PLAGL1: variants seen among roughly 807,000 people sequenced by gnomAD.
The protein encoded by PLAGL1 is PLAG1 like zinc finger 1, also known as zinc finger protein PLAGL1.
In PLAGL1, 1 loss-of-function variant was observed where a neutral mutation model predicts 4.6. That is an observed-to-expected ratio of 0.22 (90% CI 0.08 to 1.03). The LOEUF (loss-of-function observed/expected upper bound fraction) is 1.03. Ranked by LOEUF, PLAGL1 falls within the 50% of genes least tolerant of loss-of-function variation. The probability of loss-of-function intolerance (pLI) is 0.58; values close to 1 mark genes in which losing one functional copy is unlikely to be tolerated. For synonymous variants in PLAGL1, 240 were observed against 237.8 expected (o/e 1.01, Z -0.08); for missense variants, 464 against 570.4 (o/e 0.81, Z 1.90).
At chr6:144,023,768 C>A (rs78286188) in intron 1 of PLAGL1, among the ~76,000 whole-genome samples, 3 of 72,664 alleles carry the variant, frequency 4.1e-5, no homozygotes, top group Non-Finnish European at 7.7e-5. Context: ...TCATATTTAG[C>A]TTTTTTTTTT....
Position 143,984,678 on chromosome 6 carries a change from C to T in PLAGL1, c.-544+457G>A, listed in dbSNP as rs1788643545. 6.6e-6 allele frequency among the ~76,000 whole-genome samples: 1 copy of T among 152,142 alleles called. No individual in the cohort carries two copies. The highest frequency in any genetic ancestry group is 6.5e-5 in the Admixed American group (1 of 15,268). ...CCTCTCCTGCTAAGATGATGAAAAA[C>T]AAAACCATCTCAGAAAATAACTTCT... On this transcript the variant is annotated intron_variant, in intron 2 of 7. Transcript: ENST00000674357. This position sits in a 1 kb window ranked among gnomAD's most constrained non-coding sequence, Gnocchi z 5.5.
At chr6:143,998,957 G>A (rs948882563) in intron 1 of PLAGL1, among the ~76,000 whole-genome samples, 1 of 152,154 alleles carries the variant, frequency 6.6e-6, no homozygotes, top group Non-Finnish European at 1.5e-5. Flanking sequence ...CCATTGTCAT[G>A]CTAAGAAGCC....
rs1782015290 is a variant in PLAGL1, at chr6:143,955,878, T to C, written c.-325+4591A>G. ...AGTGACACTCTGTAAACAGAATAAC[T>C]GGATTAGGACTGAGGTTAGGGGAAA... On this transcript the variant is annotated intron_variant, in intron 6 of 7. Transcript: ENST00000674357. This position sits in a 1 kb window ranked among gnomAD's most constrained non-coding sequence, Gnocchi z 4.9. Among the ~76,000 whole-genome samples the C allele has an allele frequency of 2.6e-5, 4 of 151,920 alleles. No homozygotes were observed. Among genetic ancestry groups the C allele is most frequent in the Non-Finnish European group, 5.9e-5 (4 of 68,002 alleles).
rs746624620 is a variant in PLAGL1 at position 143,993,331 on chromosome 6, A to AACACACACACACACAC, written c.-583-8173_-583-8158dup. 1.6e-3 allele frequency among the ~76,000 whole-genome samples: 233 copies of AACACACACACACACAC among 142,330 alleles called. 2 individuals carry two copies. Among genetic ancestry groups the AACACACACACACACAC allele is most frequent in the South Asian group, 9.4e-3 (41 of 4,342 alleles). The allele number at this position is 142,330 out of a possible 152,430, so 93.4% of individuals were successfully genotyped here. A position where few individuals can be genotyped will look rare whatever the true frequency, so the allele number is the denominator to read the frequency against. ...AACAAAAAAACAAAAAACAAAACAA[A>AACACACACACACACAC]ACACACACACACACACACACACACA... On this transcript the variant is annotated intron_variant, in intron 1 of 7. Coordinates refer to ENST00000674357, the MANE Select transcript of PLAGL1 (RefSeq NM_001317162.2).
rs2128517664 is a variant in PLAGL1 at position 143,947,321 on chromosome 6, G to C, written c.152+664C>G. 6.6e-6 allele frequency among the ~76,000 whole-genome samples: 1 copy of C among 152,334 alleles called. No individual in the cohort carries two copies. Among genetic ancestry groups the C allele is most frequent in the South Asian group, 2.1e-4 (1 of 4,834 alleles). On this transcript the variant is annotated intron_variant, in intron 7 of 7. Coordinates refer to ENST00000674357, the MANE Select transcript of PLAGL1 (RefSeq NM_001317162.2). The surrounding 1 kb of genome is among the most constrained non-coding windows in gnomAD (Gnocchi z 4.3). The stretch of plus-strand genomic sequence containing the variant: ...CCCCCACATTTCATCCCTGGACTCT[G>C]AGAGCAGGTTTCAAATCAGCCTTCC...
intron 1 of PLAGL1, among the ~76,000 whole-genome samples, chr6:144,046,796 G>A (rs1373855599): frequency 6.6e-6 from 1 of 152,222 alleles, no homozygotes; most frequent in Admixed American, 6.5e-5. Context: ...TGCCCCCAAA[G>A]GTGGAGTCTA....
rs1780478458 is a variant in PLAGL1, at chr6:143,949,180, C to G, written c.-324-720G>C. Among the ~76,000 whole-genome samples the G allele has an allele frequency of 6.6e-6, 1 of 152,128 alleles. No homozygotes were observed. Among genetic ancestry groups the G allele is most frequent in the South Asian group, 2.1e-4 (1 of 4,822 alleles). ...TATGGACCTTTCTTCATTCCCTGGC[C>G]CTACCCTGGAGGGCCCATCCAGCTA... On this transcript the variant is annotated intron_variant, in intron 6 of 7. Coordinates refer to ENST00000674357, the MANE Select transcript of PLAGL1 (RefSeq NM_001317162.2). The surrounding 1 kb of genome is among the most constrained non-coding windows in gnomAD (Gnocchi z 5.3).
chr6:143,958,521 C>T lies in PLAGL1; in HGVS notation c.-325+1948G>A, dbSNP rs2128550441. Among the ~76,000 whole-genome samples the T allele has an allele frequency of 6.6e-6, 1 of 152,294 alleles. No homozygotes were observed. The highest frequency in any genetic ancestry group is 6.5e-5 in the Admixed American group (1 of 15,302). On this transcript the variant is annotated intron_variant, in intron 6 of 7. Coordinates refer to ENST00000674357, the MANE Select transcript of PLAGL1 (RefSeq NM_001317162.2). The surrounding 1 kb of genome is among the most constrained non-coding windows in gnomAD (Gnocchi z 5.1). ...CACTCCACTTCCTCCAGAAGCATGC[C>T]TGTCTGCCTCTCGGGACACAGGCCG...
rs1795358191 is a variant in PLAGL1 at position 144,013,635 on chromosome 6, C to T, written c.-150-44657G>A. 6.6e-6 allele frequency among the ~76,000 whole-genome samples: 1 copy of T among 152,254 alleles called. No individual in the cohort carries two copies. Among genetic ancestry groups the T allele is most frequent in the Non-Finnish European group, 1.5e-5 (1 of 68,044 alleles). On this transcript the variant is annotated intron_variant, in intron 1 of 3. Coordinates refer to the PLAGL1 transcript ENST00000437412. This position sits in a 1 kb window ranked among gnomAD's most constrained non-coding sequence, Gnocchi z 4.4. ...TCTAGTGGAGATTCCTTCCTCACAA[C>T]TTCCAGCTTTTGGTGACCACTGCCA...
At chr6:143,956,879 G>A (rs1782256038) in intron 6 of PLAGL1, among the ~76,000 whole-genome samples, 1 of 152,264 alleles carries the variant, frequency 6.6e-6, no homozygotes, top group Non-Finnish European at 1.5e-5. Context: ...TGAGCAGGGA[G>A]CTGGGATCTG....
At chr6:143,977,559 C>T (rs1453478053) in intron 2 of PLAGL1, among the ~76,000 whole-genome samples, 2 of 148,572 alleles carry the variant, frequency 1.3e-5, no homozygotes, top group African/African-American at 2.5e-5. Context: ...CTGTAACCTC[C>T]ACCTCCCAGG....
intron 1 of PLAGL1, among the ~76,000 whole-genome samples, chr6:144,047,316 T>G (rs970189125): frequency 6.6e-6 from 1 of 152,192 alleles, no homozygotes; most frequent in Admixed American, 6.5e-5. Flanking sequence ...GCTGTTCCTA[T>G]TTGGCCATCT....
Position 144,036,922 on chromosome 6 carries a change from A to C in PLAGL1, c.-151+27546T>G, listed in dbSNP as rs1272202810. ...GGACCAGACATTGCTGTGATGAATT[A>C]TATGCCCTGGAGAGAGGCAGAAAGT... is the stretch of plus-strand genomic sequence containing the variant. On this transcript the variant is annotated intron_variant, in intron 1 of 3. Transcript: ENST00000437412. This position sits in a 1 kb window ranked among gnomAD's most constrained non-coding sequence, Gnocchi z 5.1. 9.1e-6 allele frequency: 2 copies of C among 220,738 alleles called. No homozygotes were observed. Among genetic ancestry groups the C allele is most frequent in the Non-Finnish European group, 1.8e-5 (2 of 108,548 alleles). The allele number at this position is 220,738 out of a possible 1,614,324, so 13.7% of individuals were successfully genotyped here.
rs532459891 is a variant in PLAGL1 at position 143,989,899 on chromosome 6, C to A, written c.-583-4725G>T. Among the ~76,000 whole-genome samples, 1 of 152,132 alleles carries A rather than the reference C, an allele frequency of 6.6e-6. No individual in the cohort carries two copies. The highest frequency in any genetic ancestry group is 2.4e-5 in the African/African-American group (1 of 41,440). On this transcript the variant is annotated intron_variant, in intron 1 of 7. Transcript: ENST00000674357. This position sits in a 1 kb window ranked among gnomAD's most constrained non-coding sequence, Gnocchi z 4.8. ...ACACATAACATCTCTCTGTTAACAT[C>A]CCTACTTAATGCTTCTGTGAGAAAA... is the stretch of plus-strand genomic sequence containing the variant.
At chr6:144,023,548 C>G (rs1305672458) in intron 1 of PLAGL1, among the ~76,000 whole-genome samples, 1 of 152,066 alleles carries the variant, frequency 6.6e-6, no homozygotes, top group Non-Finnish European at 1.5e-5. Context: ...AAATAAGCAC[C>G]ACACTCTAAT....
At position 144,059,659 on chromosome 6, in the gene PLAGL1, T is replaced by C. The variant is rs1450871162; in HGVS notation, c.-151+4809A>G. On this transcript the variant is annotated intron_variant, in intron 1 of 3. Coordinates refer to the PLAGL1 transcript ENST00000437412. This position sits in a 1 kb window ranked among gnomAD's most constrained non-coding sequence, Gnocchi z 4.9. ...TCAGCAAAACTATTCAGCAAATAGC[T>C]ACCACCCATCATAGCCACTCACTAA... 6.6e-6 allele frequency among the ~76,000 whole-genome samples: 1 copy of C among 152,238 alleles called. No individual in the cohort carries two copies. Among genetic ancestry groups the C allele is most frequent in the Non-Finnish European group, 1.5e-5 (1 of 68,036 alleles).
chr6:143,998,019 G>T (rs1276572747), intron 1 of PLAGL1, among the ~76,000 whole-genome samples: 1 of 152,146 alleles, frequency 6.6e-6, no homozygotes, highest in Non-Finnish European at 1.5e-5. Context: ...CCCAGCAAAG[G>T]TTATTAGGCA....
At position 143,954,472 on chromosome 6, in the gene PLAGL1, AGGG is replaced by A. The variant is rs775546330; in HGVS notation, c.-325+5994_-325+5996del. On this transcript the variant is annotated intron_variant, in intron 6 of 7. Coordinates refer to ENST00000674357, the MANE Select transcript of PLAGL1 (RefSeq NM_001317162.2). The surrounding 1 kb of genome is among the most constrained non-coding windows in gnomAD (Gnocchi z 5.1). ...GACAGGCATTTGAGTCAAACTTGCA[AGGG>A]GAACACTTGAGAACCCAGAGAGCAT... Among the ~76,000 whole-genome samples, 8 of 152,350 alleles carry A rather than the reference AGGG, an allele frequency of 5.3e-5. No individual in the cohort carries two copies. Among genetic ancestry groups the A allele is most frequent in the Non-Finnish European group, 7.3e-5 (5 of 68,028 alleles).
chr6:143,977,079 C>A lies in PLAGL1; in HGVS notation c.-544+8056G>T, dbSNP rs186095615. On this transcript the variant is annotated intron_variant, in intron 2 of 7. Coordinates refer to ENST00000674357, the MANE Select transcript of PLAGL1 (RefSeq NM_001317162.2). ...CTGTTACAGCAATTTCCCATATACTCCCTTCCCCCCCCCCAACACACTTAG... is the reference window on the plus strand; with the variant it reads ...CTGTTACAGCAATTTCCCATATACTACCTTCCCCCCCCCCAACACACTTAG... Among the ~76,000 whole-genome samples the A allele has an allele frequency of 7.3e-3, 956 of 131,720 alleles. 12 individuals are homozygous for A. The highest frequency in any genetic ancestry group is 0.024 in the African/African-American group (873 of 36,800). The allele number at this position is 131,720 out of a possible 152,430, so 86.4% of individuals were successfully genotyped here. A position where few individuals can be genotyped will look rare whatever the true frequency, so the allele number is the denominator to read the frequency against.
Sources: gnomAD v4.1 joint callset for allele counts (sites outside exome capture counted in the v4.1 genomes callset) on GRCh38, gnomAD v4.1.1 for gene constraint, Gnocchi (gnomAD v3.1) non-coding constraint, MANE v1.5 for transcripts, NCBI Gene and HGNC (gene_info 2026-07-23, HGNC 2026-07-21) for gene names.